SPINT4: variants seen among roughly 807,000 people sequenced by gnomAD.
SPINT4 encodes the protein serine peptidase inhibitor, Kunitz type 4, also known as kunitz-type protease inhibitor 4.
Under a neutral mutation model 9.4 loss-of-function variants are expected in SPINT4, and 7 were observed. The ratio of observed to expected loss-of-function variants is 0.74; its 90% confidence interval spans 0.42 to 1.40. The LOEUF is 1.40. Among genes scored for constraint, SPINT4 ranks in the 40% most tolerant of loss-of-function variants. SPINT4 has a pLI of 0.01. For missense variants in SPINT4, 105 were observed against 114.4 expected, an observed-to-expected ratio of 0.92 and a Z score of 0.37; for synonymous variants, 36 against 39.9, an observed-to-expected ratio of 0.90 and a Z score of 0.37.
chr20:45,724,911 C>T (rs1333994574), intron 2 of SPINT4, among the ~76,000 whole-genome samples: 40 of 135,330 alleles, frequency 3.0e-4, no homozygotes, highest in African/African-American at 1.1e-3. Flanking sequence ...ACCCGGGAGG[C>T]GGAGCTTGCA....
chr20:45,724,118 C>T (rs1187802354), intron 2 of SPINT4, 61 bp downstream of exon 2: 42 of 1,499,770 alleles, frequency 2.8e-5, no homozygotes, highest in Non-Finnish European at 3.6e-5. Context: ...TTTTGACATC[C>T]TAAGATAGAG....
At chr20:45,724,081 G>C in intron 2 of SPINT4, 24 bp downstream of exon 2, 1 of 1,572,390 alleles carries the variant, frequency 6.4e-7, no homozygotes, top group South Asian at 1.2e-5. Flanking sequence ...TCCTGTCCTT[G>C]GTCCTTGGGG....
At chr20:45,725,019 T>TACAC (rs1984912381) in intron 2 of SPINT4, among the ~76,000 whole-genome samples, 6 of 110,668 alleles carry the variant, frequency 5.4e-5, no homozygotes, top group Non-Finnish European at 7.1e-5. Flanking sequence ...TATATATATA[T>TACAC]ATATATATCA....
Position 45,724,063 on chromosome 20 carries a change from GAATCT to G in SPINT4, c.293+11_293+15del, listed in dbSNP as rs1305999894. The G allele has an allele frequency of 1.2e-6, 2 of 1,602,774 alleles. No homozygotes were observed. Among genetic ancestry groups the G allele is most frequent in the Non-Finnish European group, 1.7e-6 (2 of 1,176,660 alleles). ...GTTGCAAAATACAAACCACCGTAAG[GAATCT>G]AATCCTGTCCTTGGTCCTTGGGGGT... is the stretch of plus-strand genomic sequence containing the variant. On this transcript the variant is annotated splice_region_variant and intron_variant, in intron 2 of 2. Transcript: ENST00000279058.
At position 45,725,593 on chromosome 20, in the gene SPINT4, CA is replaced by C. The variant is rs1360685421; in HGVS notation, c.294-35del. ...CAGGGAGACCTTCAAAAACCTGTAA[CA>C]CCGATTTGGGTTTTTCTTTCCTTTG... On this transcript the variant is annotated intron_variant, in intron 2 of 2. Transcript: ENST00000279058. The C allele has an allele frequency of 1.9e-6, 3 of 1,613,248 alleles. No individual in the cohort carries two copies. The African/African-American group carries it at 4.0e-5, about 22-fold the overall frequency.
chr20:45,724,185 A>G (rs1984871984), intron 2 of SPINT4, 128 bp downstream of exon 2: 1 of 1,060,084 alleles, frequency 9.4e-7, no homozygotes, highest in South Asian at 1.6e-5. Flanking sequence ...TTGCTCAAAT[A>G]AGAAGTTTTA....
chr20:45,724,532 A>C (rs1161341668), intron 2 of SPINT4, among the ~76,000 whole-genome samples: 2 of 144,862 alleles, frequency 1.4e-5, no homozygotes, highest in East Asian at 4.3e-4. Context: ...AAAAAAAAAA[A>C]ACCACATTTG....
At chr20:45,723,013 C>T (rs776879408) in intron 1 of SPINT4, among the ~76,000 whole-genome samples, 85 of 152,058 alleles carry the variant, frequency 5.6e-4, no homozygotes, top group Non-Finnish European at 1.1e-3. Context: ...TACCGTAAGT[C>T]AGACACTTCA....
At position 45,725,003 on chromosome 20, in the gene SPINT4, T is replaced by A. The variant is rs1319205258; in HGVS notation, c.294-626T>A. Reference sequence around the variant, plus strand: ...TCAAAAAAAAAAAAAAAAATATATATATATATATATATATATATATATATC... The same window carrying A: ...TCAAAAAAAAAAAAAAAAATATATAAATATATATATATATATATATATATC... On this transcript the variant is annotated intron_variant, in intron 2 of 2. Transcript: ENST00000279058. Among the ~76,000 whole-genome samples the A allele has an allele frequency of 9.7e-3, 974 of 100,510 alleles. 61 individuals carry two copies. Among genetic ancestry groups the A allele is most frequent in the East Asian group, 0.082 (229 of 2,800 alleles). 65.9% of individuals were successfully genotyped at this position (100,510 alleles called of 152,430 possible).
intron 2 of SPINT4, among the ~76,000 whole-genome samples, chr20:45,725,024 A>C (rs1299487354): frequency 7.6e-6 from 1 of 132,400 alleles, no homozygotes; most frequent in East Asian, 2.1e-4. Context: ...ATATATATAT[A>C]TATCAATAGA....
intron 1 of SPINT4, 147 bp from the exon 2 acceptor site, chr20:45,723,733 C>A: frequency 4.5e-6 from 3 of 672,436 alleles, no homozygotes; most frequent in South Asian, 2.4e-5. Context: ...GCAACTCTAA[C>A]TCCAAGAGAA....
In SPINT4 at chr20:45,724,011, C is replaced by G; in HGVS notation, c.247C>G (p.Leu83Val). 6.2e-7 allele frequency: 1 copy of G among 1,610,490 alleles called. No homozygotes were observed. The highest frequency in any genetic ancestry group is 1.1e-5 in the South Asian group (1 of 90,174). The change falls in exon 2 of 3, where the codon CTT (leucine) becomes GTT (valine). Residue 83 changes from leucine (L) to valine (V), a missense_variant. Leu to Val is a conservative substitution (Grantham distance 32). Coordinates refer to ENST00000279058, the MANE Select transcript of SPINT4 (RefSeq NM_178455.3). Reference protein sequence around the residue: ...GCNGNLNNFKLKIEREVACVA... With the variant: ...GCNGNLNNFKVKIEREVACVA... ...TAATGGCAACCTTAACAACTTCAAG[C>G]TTAAAATAGAACGTGAAGTAGCCTG...
At chr20:45,725,601 T>C (rs773746179) in intron 2 of SPINT4, 28 bp from the exon 3 acceptor site, 1 of 1,613,614 alleles carries the variant, frequency 6.2e-7, no homozygotes, top group Non-Finnish European at 8.5e-7. Context: ...AACACCGATT[T>C]GGGTTTTTCT....
chr20:45,724,122 G>A (rs1017392176), intron 2 of SPINT4, 65 bp downstream of exon 2: 37 of 1,495,966 alleles, frequency 2.5e-5, no homozygotes, highest in Non-Finnish European at 3.2e-5. Flanking sequence ...GACATCCTAA[G>A]ATAGAGAAAA....
intron 1 of SPINT4, 55 bp downstream of exon 1, chr20:45,722,537 G>T: frequency 7.6e-7 from 1 of 1,313,152 alleles, no homozygotes; most frequent in South Asian, 1.2e-5. Flanking sequence ...TGAGAGAGAA[G>T]GTATTGGGAG....
intron 2 of SPINT4, among the ~76,000 whole-genome samples, chr20:45,724,314 C>A (rs1267076429): frequency 5.3e-5 from 8 of 151,578 alleles, no homozygotes; most frequent in African/African-American, 1.9e-4. Context: ...CATGGAGAAA[C>A]CCCATCTTTA....
In SPINT4 at chr20:45,724,460, G is replaced by A. The variant is rs147659840; in HGVS notation, c.293+403G>A. Among the ~76,000 whole-genome samples the A allele has an allele frequency of 1.2e-4, 18 of 147,486 alleles. No homozygotes were observed. The East Asian group carries it at 3.6e-3, about 30-fold the overall frequency. ...GGGTTCAGAGGTTGCGGCGAGCCGAGATCGCGCCATCCATTGCACTCCAGC... is the reference window on the plus strand; with the variant it reads ...GGGTTCAGAGGTTGCGGCGAGCCGAAATCGCGCCATCCATTGCACTCCAGC... On this transcript the variant is annotated intron_variant, in intron 2 of 2. Coordinates refer to ENST00000279058, the MANE Select transcript of SPINT4 (RefSeq NM_178455.3).
chr20:45,725,826 T>C lies in SPINT4; in HGVS notation c.*191T>C. The C allele has an allele frequency of 1.4e-6, 1 of 698,082 alleles. No homozygotes were observed. Among genetic ancestry groups the C allele is most frequent in the South Asian group, 1.9e-5 (1 of 53,170 alleles). The allele number at this position is 698,082 out of a possible 1,614,324, so 43.2% of individuals were successfully genotyped here. A position where few individuals can be genotyped will look rare whatever the true frequency, so the allele number is the denominator to read the frequency against. ...GATCATTAGAATGAAAGAGTCTTTC[T>C]GTCAGCCCTGGCTCTCTTAATTTCT... On this transcript the variant is annotated 3_prime_UTR_variant, in exon 3 of 3. Transcript: ENST00000279058.
At chr20:45,723,669 G>A (rs1600980612) in intron 1 of SPINT4, among the ~76,000 whole-genome samples, 1 of 152,162 alleles carries the variant, frequency 6.6e-6, no homozygotes, top group Non-Finnish European at 1.5e-5. Context: ...CACTGCTCAC[G>A]ACAACAACCT....
Sources: allele counts gnomAD v4.1 joint callset (sites outside exome capture counted in the v4.1 genomes callset), GRCh38; gene constraint gnomAD v4.1.1; transcripts MANE v1.5; gene names NCBI Gene and HGNC (gene_info 2026-07-23, HGNC 2026-07-21).